Variants in USP15 observed in about 807,000 individuals in gnomAD.
USP15 encodes ubiquitin specific peptidase 15.
USP15 carries 18 observed loss-of-function variants against 127.1 expected under a neutral mutation model. The ratio of observed to expected loss-of-function variants is 0.14; its 90% CI spans 0.10 to 0.21. USP15 has a LOEUF of 0.21. Ranked by LOEUF, USP15 falls within the 10% of genes least tolerant of loss-of-function variation. USP15 has a pLI of 1.00. For synonymous variants in USP15, 364 were observed against 393.7 expected, an observed-to-expected ratio of 0.92 and a Z score of 0.89; for missense variants, 805 against 1,159.9, an observed-to-expected ratio of 0.69 and a Z score of 4.44.
Position 62,396,028 on chromosome 12 carries a change from A to G in USP15, c.2571-267A>G, listed in dbSNP as rs575998551. Among the ~76,000 whole-genome samples the G allele has an allele frequency of 5.9e-5, 9 of 152,184 alleles. No individual in the cohort carries two copies. The South Asian group carries it at 1.9e-3, about 32-fold the overall frequency. ...TGGGGAGTGCAGATATCTCTTCAGT[A>G]TACTCAATGAAGCATTTTAAAATTT... On this transcript the variant is annotated intron_variant, in intron 19 of 21. Coordinates refer to ENST00000280377, the MANE Select transcript of USP15 (RefSeq NM_001252078.2).
chr12:62,304,830 T>TAAAAAAAA (rs34411608), intron 3 of USP15: 1 of 171,926 alleles, frequency 5.8e-6, no homozygotes. Flanking sequence ...TTATTATGCT[T>TAAAAAAAA]AAAAAAAAAA....
chr12:62,400,496 AT>A (rs559917986), intron 20 of USP15, among the ~76,000 whole-genome samples: 3,356 of 148,034 alleles, frequency 0.023, 121 homozygotes, highest in African/African-American at 0.076. Flanking sequence ...ACTTTGTGGA[AT>A]TTTTTTTTTT....
At position 62,413,616 on chromosome 12, in the gene USP15, C is replaced by T. The variant is rs1049759656; in HGVS notation, c.*9241C>T. 1 of 152,144 alleles carries T rather than the reference C, an allele frequency of 6.6e-6. No homozygotes were observed. The highest frequency in any genetic ancestry group is 1.5e-5 in the Non-Finnish European group (1 of 68,072). 9.4% of individuals were successfully genotyped at this position (152,144 alleles called of 1,614,324 possible). Reference sequence around the variant, plus strand: ...CCACTGCTAGCTTCAGACTTTTCTTCTGCAGCTTCCTTACCTTAGCCTCCA... The same window carrying T: ...CCACTGCTAGCTTCAGACTTTTCTTTTGCAGCTTCCTTACCTTAGCCTCCA... On this transcript the variant is annotated 3_prime_UTR_variant, in exon 22 of 22. Coordinates refer to ENST00000280377, the MANE Select transcript of USP15 (RefSeq NM_001252078.2).
intron 1 of USP15, among the ~76,000 whole-genome samples, chr12:62,283,729 G>A (rs1592493179): frequency 6.6e-6 from 1 of 152,140 alleles, no homozygotes. Context: ...GATCACTTGA[G>A]GCCAGGAGTT....
chr12:62,354,539 T>G (rs1395007088), intron 7 of USP15, among the ~76,000 whole-genome samples: 2 of 151,998 alleles, frequency 1.3e-5, no homozygotes, highest in African/African-American at 4.8e-5. Context: ...AATTATTTTT[T>G]ATTATATGCC....
chr12:62,360,570 A>T (rs1210128583), intron 8 of USP15, among the ~76,000 whole-genome samples: 1 of 152,000 alleles, frequency 6.6e-6, no homozygotes, highest in Non-Finnish European at 1.5e-5. Context: ...TTACCTTGAG[A>T]CTTTCTTTTT....
chr12:62,355,318 T>C lies in USP15; in HGVS notation c.771-13T>C. 6.3e-7 allele frequency: 1 copy of C among 1,576,272 alleles called. No homozygotes were observed. The highest frequency in any genetic ancestry group is 8.6e-7 in the Non-Finnish European group (1 of 1,163,734). On this transcript the variant is annotated splice_polypyrimidine_tract_variant and intron_variant, in intron 7 of 21. Transcript: ENST00000280377. ...TATAATTGGCTGCATTATGAAAATT[T>C]TTTTTCTTCCAGTGTGAAAAACTCA... is the stretch of plus-strand genomic sequence containing the variant.
rs556469289 is a variant in USP15, at chr12:62,383,543, A to G, written c.1090-297A>G. Among the ~76,000 whole-genome samples, 3 of 152,118 alleles carry G rather than the reference A, an allele frequency of 2.0e-5. No individual in the cohort carries two copies. In the East Asian group the frequency reaches 5.8e-4, roughly 29 times the overall value. On this transcript the variant is annotated intron_variant, in intron 9 of 21. Coordinates refer to ENST00000280377, the MANE Select transcript of USP15 (RefSeq NM_001252078.2). Reference sequence around the variant, plus strand: ...AAAACAAACAAAAATGTGAAAAAACATAACACTAAATAAACTACAAAGGAC... The same window carrying G: ...AAAACAAACAAAAATGTGAAAAAACGTAACACTAAATAAACTACAAAGGAC...
intron 8 of USP15, among the ~76,000 whole-genome samples, chr12:62,363,948 G>A (rs759974252): frequency 6.6e-6 from 1 of 152,112 alleles, no homozygotes; most frequent in South Asian, 2.1e-4. Flanking sequence ...GTGGGGAGGA[G>A]ATTATGAGTT....
At chr12:62,321,028 TTAA>T (rs2064971313) in intron 4 of USP15, among the ~76,000 whole-genome samples, 1 of 152,130 alleles carries the variant, frequency 6.6e-6, no homozygotes, top group Non-Finnish European at 1.5e-5. Flanking sequence ...GCTGTTCAGT[TTAA>T]TATAAATTAT....
At chr12:62,383,509 A>G (rs2067052050) in intron 9 of USP15, among the ~76,000 whole-genome samples, 1 of 151,922 alleles carries the variant, frequency 6.6e-6, no homozygotes, top group Non-Finnish European at 1.5e-5. Flanking sequence ...AAACACTGAA[A>G]TTAACAACAA....
At chr12:62,355,192 A>T in intron 7 of USP15, 139 bp from the exon 8 acceptor site, 2 of 768,562 alleles carry the variant, frequency 2.6e-6, no homozygotes, top group Non-Finnish European at 3.8e-6. Context: ...TCAAGTCTTT[A>T]AAAAAGTATC....
intron 8 of USP15, among the ~76,000 whole-genome samples, chr12:62,367,507 T>C (rs1212193222): frequency 1.3e-5 from 2 of 152,172 alleles, no homozygotes; most frequent in Non-Finnish European, 2.9e-5. Context: ...CAGACTTTTT[T>C]ATGGGCCTAT....
intron 5 of USP15, among the ~76,000 whole-genome samples, chr12:62,322,050 A>G (rs1053705456): frequency 2.0e-5 from 3 of 152,214 alleles, no homozygotes; most frequent in East Asian, 3.8e-4. Context: ...TAATAAAGCT[A>G]TTTATATAAA....
rs1435615238 is a variant in USP15 at position 62,355,289 on chromosome 12, G to A, written c.771-42G>A. 4 of 1,514,892 alleles carry A rather than the reference G, an allele frequency of 2.6e-6. No homozygotes were observed. The South Asian group carries it at 3.8e-5, about 14-fold the overall frequency. 93.8% of individuals were successfully genotyped at this position (1,514,892 alleles called of 1,614,324 possible). A position where few individuals can be genotyped will look rare whatever the true frequency, so the allele number is the denominator to read the frequency against. On this transcript the variant is annotated intron_variant, in intron 7 of 21. Transcript: ENST00000280377. ...AAGTACTCTTTATTATAAATATGTT[G>A]TAATATAATTGGCTGCATTATGAAA... is the stretch of plus-strand genomic sequence containing the variant.
intron 6 of USP15, among the ~76,000 whole-genome samples, chr12:62,348,152 G>A (rs965760306): frequency 6.6e-6 from 1 of 152,130 alleles, no homozygotes; most frequent in Admixed American, 6.6e-5. Context: ...AGGCTGCAGT[G>A]AGCTGTGATT....
At chr12:62,338,488 C>T (rs1318694393) in intron 6 of USP15, among the ~76,000 whole-genome samples, 1 of 152,038 alleles carries the variant, frequency 6.6e-6, no homozygotes, top group African/African-American at 2.4e-5. Flanking sequence ...TGATTAGATC[C>T]CATTTGTCAA....
At chr12:62,280,326 A>ATATAGTTGTTAAC in intron 1 of USP15, among the ~76,000 whole-genome samples, 1 of 152,132 alleles carries the variant, frequency 6.6e-6, no homozygotes, top group Non-Finnish European at 1.5e-5. Context: ...ATTTAGGCAG[A>ATATAGTTGTTAAC]TATGTGAAAG....
rs1435790823 is a variant in USP15, at chr12:62,410,222, A to G, written c.*5847A>G. 6.6e-6 allele frequency: 1 copy of G among 152,120 alleles called. No homozygotes were observed. The highest frequency in any genetic ancestry group is 1.9e-4 in the East Asian group (1 of 5,198). The allele number at this position is 152,120 out of a possible 1,614,324, so 9.4% of individuals were successfully genotyped here. On this transcript the variant is annotated 3_prime_UTR_variant, in exon 22 of 22. Coordinates refer to ENST00000280377, the MANE Select transcript of USP15 (RefSeq NM_001252078.2). ...CTGTTTAACTCATTTCCCCAAAAAG[A>G]CCGCGACCTCCAGCCAGTCATTCAG... is the stretch of plus-strand genomic sequence containing the variant.
Sources: gnomAD v4.1 joint callset for allele counts (sites outside exome capture counted in the v4.1 genomes callset) on GRCh38, gnomAD v4.1.1 for gene constraint, MANE v1.5 for transcripts, NCBI Gene and HGNC (gene_info 2026-07-23, HGNC 2026-07-21) for gene names.